SNX27: variants seen among roughly 807,000 people sequenced by gnomAD.
SNX27 encodes sorting nexin 27.
A neutral mutation model predicts 71.6 loss-of-function variants in SNX27; 22 were observed. The observed-to-expected ratio is 0.31, with a 90% CI of 0.22 to 0.44. The LOEUF is 0.44. Among genes scored for constraint, SNX27 ranks in the 20% least tolerant of loss-of-function variants. The pLI is 1.00. For missense variants in SNX27, 531 were observed against 698.6 expected, an observed-to-expected ratio of 0.76 and a Z score of 2.70; for synonymous variants, 269 against 277.2, an observed-to-expected ratio of 0.97 and a Z score of 0.29.
intron 8 of SNX27, 80 bp from the exon 9 acceptor site, chr1:151,692,355 G>A: frequency 7.1e-7 from 1 of 1,416,546 alleles, no homozygotes; most frequent in Non-Finnish European, 9.2e-7. Flanking sequence ...CATCTCAATA[G>A]CTCTTTATTG....
intron 2 of SNX27, among the ~76,000 whole-genome samples, chr1:151,648,412 A>ATTTCTTTC (rs749756144): frequency 2.0e-5 from 3 of 150,324 alleles, no homozygotes; most frequent in Non-Finnish European, 4.4e-5. Flanking sequence ...CATATTTACC[A>ATTTCTTTC]TTTCTTTCTT....
chr1:151,650,166 G>A (rs1377556549), intron 2 of SNX27, among the ~76,000 whole-genome samples: 1 of 152,038 alleles, frequency 6.6e-6, no homozygotes, highest in Admixed American at 6.6e-5. Flanking sequence ...GGGATTACAG[G>A]TGTCGGCCAC....
chr1:151,693,011 C>T lies in SNX27; in HGVS notation c.1490C>T (p.Pro497Leu), dbSNP rs1361143289. The T allele has an allele frequency of 1.2e-6, 2 of 1,613,952 alleles. No homozygotes were observed. Among genetic ancestry groups the T allele is most frequent in the Non-Finnish European group, 1.7e-6 (2 of 1,180,040 alleles). The change falls in exon 10 of 12, where the codon CCC (proline) becomes CTC (leucine). Residue 497 changes from proline to leucine, a missense_variant. Pro to Leu is a moderately conservative substitution (Grantham distance 98). Coordinates refer to ENST00000458013, the MANE Select transcript of SNX27 (RefSeq NM_001330723.2). The stretch of plus-strand genomic sequence containing the variant: ...GAATATGCACGAGGAGAGAAGAAGC[C>T]CCGATGGGTTAAAATCTTCACGCCA... ...CFEYARGEKK[P>L]RWVKIFTPYF...
intron 3 of SNX27, 152 bp from the exon 4 acceptor site, chr1:151,660,646 A>T (rs1669921930): frequency 1.6e-6 from 1 of 611,960 alleles, no homozygotes. Context: ...TTAAAATCTT[A>T]TATACCAGAC....
intron 2 of SNX27, among the ~76,000 whole-genome samples, chr1:151,643,663 T>A (rs114444103): frequency 0.031 from 4,747 of 152,052 alleles, 277 homozygotes; most frequent in African/African-American, 0.11. Flanking sequence ...GGGTTTTTTT[T>A]ATTTTTTTAT....
chr1:151,682,125 A>T (rs1670996515), intron 7 of SNX27, among the ~76,000 whole-genome samples: 2 of 152,248 alleles, frequency 1.3e-5, no homozygotes, highest in South Asian at 4.1e-4. Context: ...AAATAACTGG[A>T]ATTTAAGTCC....
rs1667205829 is a variant in SNX27, at chr1:151,612,232, C to T, written c.31C>T (p.Pro11Ser). The change falls in exon 1 of 12, where the codon CCC becomes TCC. Residue 11 changes from proline (P) to serine (S), a missense_variant. By Grantham distance (74) the Pro-to-Ser change is moderately conservative. Coordinates refer to ENST00000458013, the MANE Select transcript of SNX27 (RefSeq NM_001330723.2). The surrounding 1 kb of genome is among the most constrained non-coding windows in gnomAD (Gnocchi z 5.2). ...GGACGAGGACGGGGAAGGGATTCAT[C>T]CCTCAGCCCCTCACAGGAACGGAGG... The part of the protein sequence containing the change: MADEDGEGIH[P>S]SAPHRNGGGG... 7.1e-7 allele frequency: 1 copy of T among 1,405,106 alleles called. No homozygotes were observed. Among genetic ancestry groups the T allele is most frequent in the Non-Finnish European group, 9.3e-7 (1 of 1,080,602 alleles). The allele number at this position is 1,405,106 out of a possible 1,614,324, so 87.0% of individuals were successfully genotyped here. A position where few individuals can be genotyped will look rare whatever the true frequency, so the allele number is the denominator to read the frequency against.
intron 11 of SNX27, 192 bp from the exon 12 acceptor site, chr1:151,694,178 A>G (rs576369570): frequency 1.1e-4 from 147 of 1,358,794 alleles, no homozygotes; most frequent in Non-Finnish European, 1.4e-4. Flanking sequence ...GGAAGACTGA[A>G]CCACGTAATT....
intron 4 of SNX27, among the ~76,000 whole-genome samples, 186 bp from the exon 5 acceptor site, chr1:151,661,980 A>G (rs1669982231): frequency 6.6e-6 from 1 of 152,190 alleles, no homozygotes; most frequent in Non-Finnish European, 1.5e-5. Context: ...TGCTTATCTT[A>G]AAGATTAACT....
At chr1:151,658,176 T>G in intron 2 of SNX27, 59 bp from the exon 3 acceptor site, 1 of 1,481,998 alleles carries the variant, frequency 6.7e-7, no homozygotes, top group Non-Finnish European at 9.2e-7. Flanking sequence ...CCTGACTAGA[T>G]GATTTTGTGA....
chr1:151,627,781 A>G (rs1338262879), intron 1 of SNX27, among the ~76,000 whole-genome samples: 2 of 152,136 alleles, frequency 1.3e-5, no homozygotes, highest in Non-Finnish European at 2.9e-5. Context: ...GCATTATGTC[A>G]TATATGCACC....
At position 151,697,462 on chromosome 1, in the gene SNX27, G is replaced by A. The variant is rs896650550; in HGVS notation, c.*3045G>A. 3 of 152,634 alleles carry A rather than the reference G, an allele frequency of 2.0e-5. No homozygotes were observed. The highest frequency in any genetic ancestry group is 7.2e-5 in the African/African-American group (3 of 41,444). The allele number at this position is 152,634 out of a possible 1,614,324, so 9.5% of individuals were successfully genotyped here. A position where few individuals can be genotyped will look rare whatever the true frequency, so the allele number is the denominator to read the frequency against. On this transcript the variant is annotated 3_prime_UTR_variant, in exon 12 of 12. Transcript: ENST00000458013. The stretch of plus-strand genomic sequence containing the variant: ...AGATTAGGTGAGGGCCCTATAGGTA[G>A]TTGGCCTGTTGGCAGAATTTATTTA...
chr1:151,683,048 AAAC>A (rs1456001944), intron 7 of SNX27, among the ~76,000 whole-genome samples: 2 of 151,956 alleles, frequency 1.3e-5, no homozygotes, highest in African/African-American at 4.8e-5. Flanking sequence ...ACAAACAAAA[AAAC>A]CCCATCAGAT....
Position 151,683,463 on chromosome 1 carries a change from T to A in SNX27, c.1239+18T>A, listed in dbSNP as rs1671058818. 8 of 1,589,292 alleles carry A rather than the reference T, an allele frequency of 5.0e-6. No individual in the cohort carries two copies. Among genetic ancestry groups the A allele is most frequent in the Non-Finnish European group, 6.9e-6 (8 of 1,162,166 alleles). ...TGGTCATGGTAAGTTTATGTCCCCA[T>A]AATCCCTTTAAAAATGCCCCTTCCT... On this transcript the variant is annotated intron_variant, in intron 8 of 11. Coordinates refer to ENST00000458013, the MANE Select transcript of SNX27 (RefSeq NM_001330723.2).
chr1:151,692,432 T>TTTATTA lies in SNX27; in HGVS notation c.1240-3_1240-2insTTATTA. 6 of 1,452,054 alleles carry TTTATTA rather than the reference T, an allele frequency of 4.1e-6. No individual in the cohort carries two copies. Among genetic ancestry groups the TTTATTA allele is most frequent in the Non-Finnish European group, 5.4e-6 (6 of 1,101,912 alleles). 89.9% of individuals were successfully genotyped at this position (1,452,054 alleles called of 1,614,324 possible). A position where few individuals can be genotyped will look rare whatever the true frequency, so the allele number is the denominator to read the frequency against. ...TTTTTTTTTTTTTTTTTTTTTTTTT[T>TTTATTA]AGTACCTCAACATGCTAAGGACTTG... On this transcript the variant is annotated splice_polypyrimidine_tract_variant and splice_region_variant and intron_variant, in intron 8 of 11. Transcript: ENST00000458013.
rs542935109 is a variant in SNX27, at chr1:151,612,841, T to G, written c.311+329T>G. Among the ~76,000 whole-genome samples the G allele has an allele frequency of 4.9e-4, 74 of 151,914 alleles. No individual in the cohort carries two copies. The highest frequency in any genetic ancestry group is 4.3e-3 in the Admixed American group (66 of 15,262). On this transcript the variant is annotated intron_variant, in intron 1 of 11. Transcript: ENST00000458013. The surrounding 1 kb of genome is among the most constrained non-coding windows in gnomAD (Gnocchi z 5.2). ...TGGCGTGCTGCATTCTGCTCCTCAC[T>G]CCCCCTCGTCTTGCTCAGAAGGAAC...
intron 1 of SNX27, among the ~76,000 whole-genome samples, chr1:151,614,737 A>G (rs1448255351): frequency 2.0e-5 from 3 of 152,146 alleles, no homozygotes; most frequent in Non-Finnish European, 2.9e-5. Flanking sequence ...TTAATTTTGG[A>G]CTCAGCTTCT....
At chr1:151,669,563 T>C (rs1670367826) in intron 7 of SNX27, among the ~76,000 whole-genome samples, 1 of 152,212 alleles carries the variant, frequency 6.6e-6, no homozygotes, top group Admixed American at 6.5e-5. Flanking sequence ...TCTCTTCCTC[T>C]ATCCCCGTGT....
chr1:151,692,789 C>G (rs1671517119), intron 9 of SNX27, 122 bp from the exon 10 acceptor site: 1 of 1,437,920 alleles, frequency 7.0e-7, no homozygotes, highest in East Asian at 2.3e-5. Context: ...ACAGTCCTTT[C>G]TCTGAAGCGA....
Sources: allele counts gnomAD v4.1 joint callset (sites outside exome capture counted in the v4.1 genomes callset), GRCh38; gene constraint gnomAD v4.1.1; non-coding constraint Gnocchi (gnomAD v3.1); transcripts MANE v1.5; gene names NCBI Gene and HGNC (gene_info 2026-07-23, HGNC 2026-07-21).